The following ABCA1 variants were observed in gnomAD, a reference collection of about 807,000 sequenced individuals.
ABCA1 encodes phospholipid-transporting ATPase ABCA1.
In ABCA1, 133 loss-of-function variants were observed where a neutral mutation model predicts 262.5. The ratio of observed to expected loss-of-function variants is 0.51; its 90% CI spans 0.44 to 0.59. ABCA1 has a LOEUF of 0.59. Among genes scored for constraint, ABCA1 ranks in the 20% least tolerant of loss-of-function variants. The pLI, the probability that ABCA1 is intolerant of heterozygous loss-of-function variation, is 0.00. For synonymous variants in ABCA1, 1,022 were observed against 1,043.5 expected (o/e 0.98, Z 0.40); for missense variants, 2,452 against 2,777.5 (o/e 0.88, Z 2.63).
At chr9:104,852,846 G>A (rs762015307) in intron 7 of ABCA1, among the ~76,000 whole-genome samples, 42 of 152,116 alleles carry the variant, frequency 2.8e-4, no homozygotes, top group Non-Finnish European at 5.7e-4. Context: ...ACGAGCAAGT[G>A]TTCTCTCCTG....
chr9:104,913,877 G>C lies in ABCA1; in HGVS notation c.-92-10106C>G, dbSNP rs181399878. On this transcript the variant is annotated intron_variant, in intron 1 of 49. Coordinates refer to ENST00000374736, the MANE Select transcript of ABCA1 (RefSeq NM_005502.4). Reference sequence around the variant, plus strand: ...GTGGCGCGATCTCGGCTCACTGCAAGCTCCGCCTCCCGGCTTCACGCCATT... The same window carrying C: ...GTGGCGCGATCTCGGCTCACTGCAACCTCCGCCTCCCGGCTTCACGCCATT... Among the ~76,000 whole-genome samples the C allele has an allele frequency of 3.9e-5, 6 of 152,188 alleles. No homozygotes were observed. The East Asian group carries it at 9.7e-4, about 25-fold the overall frequency.
intron 1 of ABCA1, among the ~76,000 whole-genome samples, chr9:104,910,437 A>T (rs1393803937): frequency 1.3e-5 from 2 of 152,198 alleles, no homozygotes; most frequent in African/African-American, 4.8e-5. Flanking sequence ...TATTTCTCCT[A>T]TGATTTTGTT....
At chr9:104,795,921 A>C (rs1390697650) in intron 39 of ABCA1, 132 bp downstream of exon 39, 1 of 1,290,980 alleles carries the variant, frequency 7.7e-7, no homozygotes, top group African/African-American at 1.5e-5. Flanking sequence ...GGGAAGACAG[A>C]CTCTGAAGAC....
At chr9:104,842,214 A>G (rs1335642790) in intron 8 of ABCA1, among the ~76,000 whole-genome samples, 2 of 152,046 alleles carry the variant, frequency 1.3e-5, no homozygotes, top group Admixed American at 6.5e-5. Context: ...CATCTAGCAC[A>G]CTCCACAAGA....
chr9:104,807,115 A>T (rs1830836024), intron 30 of ABCA1, among the ~76,000 whole-genome samples: 1 of 152,216 alleles, frequency 6.6e-6, no homozygotes, highest in East Asian at 1.9e-4. Flanking sequence ...GAAGAAGAGT[A>T]ATGATAAAGG....
intron 2 of ABCA1, among the ~76,000 whole-genome samples, chr9:104,901,304 T>C (rs1290036516): frequency 6.6e-6 from 1 of 152,158 alleles, no homozygotes; most frequent in Non-Finnish European, 1.5e-5. Flanking sequence ...TGCAGCTCAG[T>C]TGCTGGCTGG....
At chr9:104,794,243 G>C in intron 40 of ABCA1, 144 bp downstream of exon 40, 2 of 1,251,978 alleles carry the variant, frequency 1.6e-6, no homozygotes, top group Non-Finnish European at 2.3e-6. Flanking sequence ...AGCTGTGTTG[G>C]CATGAGCCCT....
chr9:104,861,718 A>G lies in ABCA1; in HGVS notation c.504T>C (p.Thr168=). 6.2e-7 allele frequency: 1 copy of G among 1,614,140 alleles called. No homozygotes were observed. Among genetic ancestry groups the G allele is most frequent in the Non-Finnish European group, 8.5e-7 (1 of 1,180,022 alleles). The change falls in exon 6 of 50, where the codon ACT becomes ACC. Residue 168 remains threonine (T), a synonymous_variant. Coordinates refer to ENST00000374736, the MANE Select transcript of ABCA1 (RefSeq NM_005502.4). ...CATCAGCCCTCAGCATCTTGTCCACAGTAGACTTTGGGAGAGAGAGGTTGT... is the reference window on the plus strand; with the variant it reads ...CATCAGCCCTCAGCATCTTGTCCACGGTAGACTTTGGGAGAGAGAGGTTGT... ...LYHNLSLPKS[T]VDKMLRADVI...
At position 104,785,520 on chromosome 9, in the gene ABCA1, T is replaced by A; in HGVS notation, c.6521A>T (p.Asn2174Ile). The A allele has an allele frequency of 6.2e-7, 1 of 1,614,170 alleles. No individual in the cohort carries two copies. Among genetic ancestry groups the A allele is most frequent in the East Asian group, 2.2e-5 (1 of 44,886 alleles). ...AGATGGAAGCTGGTATTGTAGCATG[T>A]TCCGGTGTTTCTCTTTTAGAACACT... ...PGSVLKEKHRNMLQYQLPSSL... is the reference protein window; with the variant it reads ...PGSVLKEKHRIMLQYQLPSSL... Residue 2174 changes from asparagine (N) to isoleucine (I), a missense_variant, in exon 49 of 50, where the codon AAC becomes ATC. Physicochemically the swap from Asn to Ile is moderately radical, Grantham distance 149. Coordinates refer to ENST00000374736, the MANE Select transcript of ABCA1 (RefSeq NM_005502.4).
Position 104,831,950 on chromosome 9 carries a change from T to C in ABCA1, c.1510-123A>G, listed in dbSNP as rs1833374415. The C allele has an allele frequency of 3.2e-6, 3 of 950,868 alleles. No homozygotes were observed. In the African/African-American group the frequency reaches 4.8e-5, roughly 15 times the overall value. The allele number at this position is 950,868 out of a possible 1,614,324, so 58.9% of individuals were successfully genotyped here. A position where few individuals can be genotyped will look rare whatever the true frequency, so the allele number is the denominator to read the frequency against. On this transcript the variant is annotated intron_variant, in intron 12 of 49. Coordinates refer to ENST00000374736, the MANE Select transcript of ABCA1 (RefSeq NM_005502.4). ...ATTGCTCATCCTCTCTCTCTAATCC[T>C]CTCTAACGTAGTTTTCCAACCTTCA...
chr9:104,839,915 T>C (rs1834212853), intron 9 of ABCA1, among the ~76,000 whole-genome samples: 1 of 152,252 alleles, frequency 6.6e-6, no homozygotes, highest in African/African-American at 2.4e-5. Flanking sequence ...ACTTTCTACC[T>C]TACATATATT....
At chr9:104,798,793 A>G (rs1830104309) in intron 36 of ABCA1, among the ~76,000 whole-genome samples, 195 bp from the exon 37 acceptor site, 1 of 152,208 alleles carries the variant, frequency 6.6e-6, no homozygotes. Context: ...GTCTAAAAAT[A>G]TGACAATGTA....
chr9:104,807,896 T>C (rs1237324939), intron 30 of ABCA1, among the ~76,000 whole-genome samples: 1 of 147,300 alleles, frequency 6.8e-6, no homozygotes, highest in Non-Finnish European at 1.5e-5. Context: ...TATAAATATA[T>C]ATTTTTAACT....
rs1300335385 is a variant in ABCA1 at position 104,788,833 on chromosome 9, T to C, written c.5928-266A>G. Among the ~76,000 whole-genome samples the C allele has an allele frequency of 3.3e-5, 5 of 152,308 alleles. No homozygotes were observed. In the South Asian group the frequency reaches 6.2e-4, roughly 19 times the overall value. On this transcript the variant is annotated intron_variant, in intron 44 of 49. Coordinates refer to ENST00000374736, the MANE Select transcript of ABCA1 (RefSeq NM_005502.4). ...AGGTGCAGTCCCATTTCAGAATTTC[T>C]GAGGTCATGCCAACCACTGCACATT... is the stretch of plus-strand genomic sequence containing the variant.
chr9:104,888,297 G>C (rs2791948), intron 3 of ABCA1, among the ~76,000 whole-genome samples: 21,259 of 151,992 alleles, frequency 0.14, 2,187 homozygotes, highest in East Asian at 0.5. Context: ...AAATCACTAG[G>C]GCAGTGAAAC....
At chr9:104,843,964 G>A (rs1368752548) in intron 8 of ABCA1, among the ~76,000 whole-genome samples, 1 of 151,156 alleles carries the variant, frequency 6.6e-6, no homozygotes, top group Non-Finnish European at 1.5e-5. Context: ...TGTTCACTTG[G>A]AGAGTTTCCA....
chr9:104,793,385 A>G, intron 40 of ABCA1, 85 bp from the exon 41 acceptor site: 1 of 1,566,548 alleles, frequency 6.4e-7, no homozygotes, highest in Admixed American at 1.7e-5. Context: ...ATGTTCCTTA[A>G]AATTCACCGA....
intron 6 of ABCA1, among the ~76,000 whole-genome samples, chr9:104,860,158 G>T (rs1437576168): frequency 6.6e-6 from 1 of 151,440 alleles, no homozygotes; most frequent in Non-Finnish European, 1.5e-5. Flanking sequence ...CCTTACACAA[G>T]TATTGATCCC....
At chr9:104,841,071 G>C (rs1463389546) in intron 8 of ABCA1, among the ~76,000 whole-genome samples, 1 of 152,136 alleles carries the variant, frequency 6.6e-6, no homozygotes, top group Non-Finnish European at 1.5e-5. Context: ...TGGGAGAAAA[G>C]GTACTGTATG....
Sources: gnomAD v4.1 joint callset for allele counts (sites outside exome capture counted in the v4.1 genomes callset) on GRCh38, gnomAD v4.1.1 for gene constraint, MANE v1.5 for transcripts, NCBI Gene and HGNC (gene_info 2026-07-23, HGNC 2026-07-21) for gene names.